Variants in PKP4 observed in about 807,000 individuals in gnomAD.
The protein encoded by PKP4 is plakophilin 4.
In PKP4, 90 loss-of-function variants were observed where a neutral mutation model predicts 145.1. The observed-to-expected ratio is 0.62, with a 90% CI of 0.52 to 0.74. The LOEUF is 0.74. Ranked by LOEUF, PKP4 falls within the 30% of genes least tolerant of loss-of-function variation. The pLI is 0.00. For missense variants in PKP4, 1,340 were observed against 1,482.7 expected (o/e 0.90, Z 1.58); for synonymous variants, 563 against 577.2 (o/e 0.98, Z 0.35).
chr2:158,604,824 G>T (rs1408485190), intron 4 of PKP4, among the ~76,000 whole-genome samples: 1 of 152,174 alleles, frequency 6.6e-6, no homozygotes, highest in Non-Finnish European at 1.5e-5. Context: ...AAACCGATAG[G>T]TCCATGCATA....
At chr2:158,540,425 T>C (rs2044415688) in intron 2 of PKP4, among the ~76,000 whole-genome samples, 1 of 152,212 alleles carries the variant, frequency 6.6e-6, no homozygotes, top group African/African-American at 2.4e-5. Context: ...AGCTTGCTTT[T>C]AATTAATTAA....
At chr2:158,490,394 GA>G (rs143443830) in intron 1 of PKP4, among the ~76,000 whole-genome samples, 29,480 of 148,202 alleles carry the variant, frequency 0.2, 3,740 homozygotes, top group Middle Eastern at 0.36. Context: ...ATATTTACAA[GA>G]AAAAAAATAC....
chr2:158,677,307 T>A (rs962808455), intron 20 of PKP4: 2 of 232,760 alleles, frequency 8.6e-6, no homozygotes, highest in African/African-American at 4.4e-5. Flanking sequence ...CAATTTCATT[T>A]ACATTTTCAT....
intron 11 of PKP4, among the ~76,000 whole-genome samples, chr2:158,653,806 G>A (rs149745037): frequency 1.0e-3 from 156 of 152,288 alleles, no homozygotes; most frequent in African/African-American, 3.5e-3. Context: ...GATGGAGAAG[G>A]CTAATCCTAC....
chr2:158,477,740 G>A (rs1692709437), intron 1 of PKP4, among the ~76,000 whole-genome samples: 1 of 152,168 alleles, frequency 6.6e-6, no homozygotes. Flanking sequence ...CGCTACTTGG[G>A]AGGCTGAGGC....
intron 1 of PKP4, among the ~76,000 whole-genome samples, chr2:158,521,158 A>G (rs1204225652): frequency 6.6e-6 from 1 of 152,316 alleles, no homozygotes; most frequent in East Asian, 1.9e-4. Context: ...TAATGCCAAA[A>G]TGGATTCCAA....
intron 4 of PKP4, among the ~76,000 whole-genome samples, chr2:158,620,317 T>C (rs1294362104): frequency 6.6e-6 from 1 of 152,042 alleles, no homozygotes; most frequent in East Asian, 1.9e-4. Context: ...TTGAATGGGG[T>C]TTGTTTTTTT....
At chr2:158,562,293 G>A (rs2046599428) in intron 2 of PKP4, among the ~76,000 whole-genome samples, 1 of 152,146 alleles carries the variant, frequency 6.6e-6, no homozygotes, top group South Asian at 2.1e-4. Context: ...ACAAAATGTG[G>A]CATATATATT....
intron 1 of PKP4, among the ~76,000 whole-genome samples, chr2:158,531,005 T>C (rs2043494155): frequency 6.6e-6 from 1 of 152,146 alleles, no homozygotes; most frequent in African/African-American, 2.4e-5. Flanking sequence ...CCTATGTTGC[T>C]GCATCAGCTA....
chr2:158,595,274 C>T (rs1020228933), intron 3 of PKP4, among the ~76,000 whole-genome samples: 2 of 152,044 alleles, frequency 1.3e-5, no homozygotes, highest in Admixed American at 6.6e-5. Flanking sequence ...ATTAGAGAAC[C>T]CTCTATTCCA....
chr2:158,623,286 G>A (rs545911387), intron 6 of PKP4, among the ~76,000 whole-genome samples: 1 of 152,200 alleles, frequency 6.6e-6, no homozygotes, highest in South Asian at 2.1e-4. Context: ...CGATTTTCCT[G>A]ACTCAGCCTC....
At chr2:158,473,598 C>T (rs554081319) in intron 1 of PKP4, among the ~76,000 whole-genome samples, 62 of 151,314 alleles carry the variant, frequency 4.1e-4, no homozygotes, top group African/African-American at 1.5e-3. Flanking sequence ...TAAGTGGGAG[C>T]TAAATGATGA....
At chr2:158,674,922 C>G (rs2057876690) in intron 19 of PKP4, among the ~76,000 whole-genome samples, 1 of 152,158 alleles carries the variant, frequency 6.6e-6, no homozygotes, top group Admixed American at 6.5e-5. Flanking sequence ...GTGGTTCTTG[C>G]CACATAATTG....
At chr2:158,635,945 A>G (rs2053772827) in intron 9 of PKP4, among the ~76,000 whole-genome samples, 1 of 152,120 alleles carries the variant, frequency 6.6e-6, no homozygotes, top group African/African-American at 2.4e-5. Flanking sequence ...AGTTTTATTC[A>G]CTTGTAAGCC....
intron 4 of PKP4, among the ~76,000 whole-genome samples, chr2:158,608,868 C>T (rs1163845316): frequency 2.6e-5 from 3 of 113,970 alleles, no homozygotes; most frequent in East Asian, 2.8e-4. Flanking sequence ...AGCCGAAGTT[C>T]GGTGGCGCCA....
At chr2:158,678,432 T>TGA (rs1381254100) in intron 20 of PKP4, 149 bp from the exon 21 acceptor site, 1 of 655,208 alleles carries the variant, frequency 1.5e-6, no homozygotes, top group African/African-American at 1.8e-5. Flanking sequence ...CCAGGGACCC[T>TGA]GAGCTGCTAC....
chr2:158,672,803 C>T (rs967566583), intron 17 of PKP4, among the ~76,000 whole-genome samples: 1 of 151,946 alleles, frequency 6.6e-6, no homozygotes, highest in Non-Finnish European at 1.5e-5. Context: ...CCACCTGCTC[C>T]CCTCCCTTGT....
rs1195992105 is a variant in PKP4, at chr2:158,669,734, C to T, written c.2743C>T (p.Arg915Ter). 3 of 1,593,146 alleles carry T rather than the reference C, an allele frequency of 1.9e-6. No homozygotes were observed. Among genetic ancestry groups the T allele is most frequent in the Non-Finnish European group, 2.6e-6 (3 of 1,166,398 alleles). ...GCCGTTGGCAGGCAAATACGCCATGCGAGACCTGGTCAACCGGCTCCCCGG... is the reference window on the plus strand; with the variant it reads ...GCCGTTGGCAGGCAAATACGCCATGTGAGACCTGGTCAACCGGCTCCCCGG... ...NKELIGKYAM[R>*]DLVNRLPGGN... Residue 915 changes from arginine to a stop codon, truncating the protein, a stop_gained, in exon 17 of 22, where the codon CGA (arginine) becomes TGA (stop). Transcript: ENST00000389759. LOFTEE classifies it high-confidence loss of function.
chr2:158,627,299 C>T (rs3771653), intron 7 of PKP4, among the ~76,000 whole-genome samples: 85,018 of 151,956 alleles, frequency 0.56, 24,993 homozygotes, highest in South Asian at 0.79. Context: ...ATGTAGAAAT[C>T]TCTGCTTGTA....
Sources: gnomAD v4.1 joint callset for allele counts (sites outside exome capture counted in the v4.1 genomes callset) on GRCh38, gnomAD v4.1.1 for gene constraint, MANE v1.5 for transcripts, NCBI Gene and HGNC (gene_info 2026-07-23, HGNC 2026-07-21) for gene names.